Variants in TNFRSF1A observed in about 807,000 individuals in gnomAD.
TNFRSF1A encodes tumor necrosis factor receptor superfamily member 1A.
TNFRSF1A carries 9 observed loss-of-function variants against 41.6 expected under a neutral mutation model. The ratio of observed to expected loss-of-function variants is 0.22; its 90% CI spans 0.13 to 0.38. The LOEUF (loss-of-function observed/expected upper bound fraction) is 0.38, where lower values mean the gene tolerates loss of function less well. Among genes scored for constraint, TNFRSF1A ranks in the 10% least tolerant of loss-of-function variants. The pLI is 1.00. For synonymous variants in TNFRSF1A, 254 were observed against 248.6 expected, an observed-to-expected ratio of 1.02 and a Z score of -0.21; for missense variants, 463 against 591.5, an observed-to-expected ratio of 0.78 and a Z score of 2.25.
At chr12:6,336,966 C>T (rs763897337) in intron 1 of TNFRSF1A, among the ~76,000 whole-genome samples, 1 of 152,220 alleles carries the variant, frequency 6.6e-6, no homozygotes, top group Non-Finnish European at 1.5e-5. Context: ...TTCTGAGTCT[C>T]CACAGACCCT....
At chr12:6,330,406 GC>G in intron 7 of TNFRSF1A, 111 bp from the exon 8 acceptor site, 2 of 1,175,806 alleles carry the variant, frequency 1.7e-6, no homozygotes, top group Non-Finnish European at 2.5e-6. Flanking sequence ...GGCCTATGTG[GC>G]CCCAGGGACG....
In TNFRSF1A at chr12:6,334,020, C is replaced by T; in HGVS notation, c.193+71G>A. ...GAGAGACAGCAAAGTTAGGGAAGAA[C>T]AACTGGAAGAAGCAGAGAAAGAAGC... On this transcript the variant is annotated intron_variant, in intron 2 of 9. Transcript: ENST00000162749. This position sits in a 1 kb window ranked among gnomAD's most constrained non-coding sequence, Gnocchi z 5.1. 6.2e-7 allele frequency: 1 copy of T among 1,612,060 alleles called. No homozygotes were observed. The highest frequency in any genetic ancestry group is 8.5e-7 in the Non-Finnish European group (1 of 1,178,174).
At chr12:6,330,456 C>CCA (rs1224059072) in intron 7 of TNFRSF1A, 142 bp downstream of exon 7, 1 of 998,202 alleles carries the variant, frequency 1.0e-6, no homozygotes, top group East Asian at 2.5e-5. Flanking sequence ...CCCCAGCCAT[C>CCA]CAGGGCCACC....
intron 5 of TNFRSF1A, among the ~76,000 whole-genome samples, chr12:6,332,853 T>C (rs1429794526): frequency 6.6e-6 from 1 of 152,194 alleles, no homozygotes; most frequent in Non-Finnish European, 1.5e-5. Context: ...CTGCCAGCCC[T>C]TGGGGCATGA....
In TNFRSF1A at chr12:6,341,894, T is replaced by C; in HGVS notation, c.-80A>G. ...CGGCAGTGCTGGGGCTTCCCGGGACTCGGTCTGTCCAGGACGTCCCAAGTG... is the reference window on the plus strand; with the variant it reads ...CGGCAGTGCTGGGGCTTCCCGGGACCCGGTCTGTCCAGGACGTCCCAAGTG... On this transcript the variant is annotated 5_prime_UTR_variant, in exon 1 of 10. Coordinates refer to ENST00000162749, the MANE Select transcript of TNFRSF1A (RefSeq NM_001065.4). The surrounding 1 kb of genome is among the most constrained non-coding windows in gnomAD (Gnocchi z 4.6). 1 of 1,539,074 alleles carries C rather than the reference T, an allele frequency of 6.5e-7. No individual in the cohort carries two copies.
chr12:6,332,331 CAGG>C (rs1375019573), intron 5 of TNFRSF1A, among the ~76,000 whole-genome samples: 2 of 150,532 alleles, frequency 1.3e-5, no homozygotes, highest in Non-Finnish European at 2.9e-5. Context: ...CCCAGCTACT[CAGG>C]AGGCTAAGGC....
At chr12:6,338,197 C>A (rs939594425) in intron 1 of TNFRSF1A, among the ~76,000 whole-genome samples, 2 of 152,140 alleles carry the variant, frequency 1.3e-5, no homozygotes, top group African/African-American at 2.4e-5. Context: ...ATGCCCCAGA[C>A]GGAATTCATC....
rs1555107857 is a variant in TNFRSF1A at position 6,332,443 on chromosome 12, A to AAAAAAAAC, written c.551+625_551+626insGTTTTTTT. 3.3e-3 allele frequency among the ~76,000 whole-genome samples: 491 copies of AAAAAAAAC among 150,682 alleles called. 3 individuals carry two copies. The highest frequency in any genetic ancestry group is 1.0e-2 in the African/African-American group (407 of 40,876). ...AGTGAAACCCTGTCTCAAAAAAAAAAAAAAAAAAAAAACACCAAAAGAAAA... is the reference window on the plus strand; with the variant it reads ...AGTGAAACCCTGTCTCAAAAAAAAAAAAAAAAACAAAAAAAAAAAACACCAAAAGAAAA... On this transcript the variant is annotated intron_variant, in intron 5 of 9. Coordinates refer to ENST00000162749, the MANE Select transcript of TNFRSF1A (RefSeq NM_001065.4).
intron 5 of TNFRSF1A, chr12:6,331,132 G>A: frequency 1.6e-6 from 1 of 617,940 alleles, no homozygotes; most frequent in East Asian, 2.9e-5. Context: ...TCTTGAAAAG[G>A]CTGTGTAGAA....
rs1592050629 is a variant in TNFRSF1A, at chr12:6,337,715, T to A, written c.40-3471A>T. Among the ~76,000 whole-genome samples, 1 of 152,198 alleles carries A rather than the reference T, an allele frequency of 6.6e-6. No individual in the cohort carries two copies. Among genetic ancestry groups the A allele is most frequent in the South Asian group, 2.1e-4 (1 of 4,834 alleles). ...TTTGGCTCTTATCATAATATGGTTA[T>A]GTTGGGTGACAGATATGATCTCCCC... On this transcript the variant is annotated intron_variant, in intron 1 of 9. Coordinates refer to ENST00000162749, the MANE Select transcript of TNFRSF1A (RefSeq NM_001065.4). The surrounding 1 kb of genome is among the most constrained non-coding windows in gnomAD (Gnocchi z 4.6).
Position 6,341,691 on chromosome 12 carries a change from G to A in TNFRSF1A, c.39+85C>T. The A allele has an allele frequency of 6.5e-7, 1 of 1,527,876 alleles. No homozygotes were observed. Among genetic ancestry groups the A allele is most frequent in the African/African-American group, 1.4e-5 (1 of 73,258 alleles). 94.6% of individuals were successfully genotyped at this position (1,527,876 alleles called of 1,614,324 possible). A position where few individuals can be genotyped will look rare whatever the true frequency, so the allele number is the denominator to read the frequency against. On this transcript the variant is annotated intron_variant, in intron 1 of 9. Transcript: ENST00000162749. This position sits in a 1 kb window ranked among gnomAD's most constrained non-coding sequence, Gnocchi z 4.6. ...CCAGGACCAGGCCCGGGCAGGAGAG[G>A]CTCGGCCCCCTCCCGGAGAGGGCCC...
chr12:6,329,641 G>A lies in TNFRSF1A; in HGVS notation c.1058-19C>T. 1.3e-6 allele frequency: 2 copies of A among 1,587,056 alleles called. No individual in the cohort carries two copies. Among genetic ancestry groups the A allele is most frequent in the South Asian group, 1.1e-5 (1 of 88,940 alleles). ...TCATCAGCTGCGGGGACGCGGGCCGGTGAGCCTCGGGCGGCAACCCCAGGC... is the reference window on the plus strand; with the variant it reads ...TCATCAGCTGCGGGGACGCGGGCCGATGAGCCTCGGGCGGCAACCCCAGGC... On this transcript the variant is annotated intron_variant, in intron 9 of 9. Coordinates refer to ENST00000162749, the MANE Select transcript of TNFRSF1A (RefSeq NM_001065.4).
chr12:6,335,662 A>C (rs539130331), intron 1 of TNFRSF1A, among the ~76,000 whole-genome samples: 1 of 152,254 alleles, frequency 6.6e-6, no homozygotes, highest in East Asian at 1.9e-4. Flanking sequence ...GGTGTCCTCA[A>C]TGTCTGTTAA....
chr12:6,333,486 G>A lies in TNFRSF1A; in HGVS notation c.353C>T (p.Thr118Ile). 6.2e-7 allele frequency: 1 copy of A among 1,614,158 alleles called. No homozygotes were observed. Among genetic ancestry groups the A allele is most frequent in the Non-Finnish European group, 8.5e-7 (1 of 1,180,032 alleles). ...EMGQVEISSC[T>I]VDRDTVCGCR... Reference sequence around the variant, plus strand: ...GCCACACACGGTGTCCCGGTCCACTGTGCAAGAAGAGATCTCCACCTGACC... The same window carrying A: ...GCCACACACGGTGTCCCGGTCCACTATGCAAGAAGAGATCTCCACCTGACC... Residue 118 changes from threonine (T) to isoleucine (I), a missense_variant, in exon 4 of 10, where the codon ACA becomes ATA. By Grantham distance (89) the Thr-to-Ile change is moderately conservative. Around this residue, in one of 4 missense-constraint regions of TNFRSF1A, gnomAD observed 149 missense variants for 239.4 expected, o/e 0.62. Transcript: ENST00000162749. This position sits in a 1 kb window ranked among gnomAD's most constrained non-coding sequence, Gnocchi z 6.3.
chr12:6,329,224 C>T lies in TNFRSF1A; in HGVS notation c.*88G>A, dbSNP rs1406621369. On this transcript the variant is annotated 3_prime_UTR_variant, in exon 10 of 10. Transcript: ENST00000162749. ...AGGCGGCTGCTAGCTCCTGCTTGCC[C>T]CTGCAGGACCCCTCCTTTCCAGAAA... is the stretch of plus-strand genomic sequence containing the variant. 6 of 1,323,658 alleles carry T rather than the reference C, an allele frequency of 4.5e-6. No homozygotes were observed. Among genetic ancestry groups the T allele is most frequent in the East Asian group, 2.7e-5 (1 of 37,510 alleles). The allele number at this position is 1,323,658 out of a possible 1,614,324, so 82.0% of individuals were successfully genotyped here.
rs764636915 is a variant in TNFRSF1A at position 6,329,630 on chromosome 12, G to A, written c.1058-8C>T. The A allele has an allele frequency of 8.8e-6, 14 of 1,590,818 alleles. No homozygotes were observed. The highest frequency in any genetic ancestry group is 1.2e-5 in the Non-Finnish European group (14 of 1,172,074). The stretch of plus-strand genomic sequence containing the variant: ...GCGTCGCGGGGTCATCAGCTGCGGG[G>A]ACGCGGGCCGGTGAGCCTCGGGCGG... On this transcript the variant is annotated splice_polypyrimidine_tract_variant and splice_region_variant and intron_variant, in intron 9 of 9. Coordinates refer to ENST00000162749, the MANE Select transcript of TNFRSF1A (RefSeq NM_001065.4).
chr12:6,330,041 T>C lies in TNFRSF1A; in HGVS notation c.794A>G (p.Lys265Arg). Reference protein sequence around the residue: ...KEGELEGTTTKPLAPNPSFSP... With the variant: ...KEGELEGTTTRPLAPNPSFSP... Reference sequence around the variant, plus strand: ...GAAGCTTGGGTTTGGGGCCAGGGGCTTAGTAGTAGTTCCTTCAAGCTCCCC... The same window carrying C: ...GAAGCTTGGGTTTGGGGCCAGGGGCCTAGTAGTAGTTCCTTCAAGCTCCCC... Residue 265 changes from lysine (K) to arginine (R), a missense_variant, in exon 9 of 10, where the codon AAG becomes AGG. Lys to Arg is a conservative substitution (Grantham distance 26). Coordinates refer to ENST00000162749, the MANE Select transcript of TNFRSF1A (RefSeq NM_001065.4). 1.9e-6 allele frequency: 3 copies of C among 1,612,886 alleles called. No homozygotes were observed. The highest frequency in any genetic ancestry group is 2.5e-6 in the Non-Finnish European group (3 of 1,179,898).
At chr12:6,340,164 T>C (rs1196233022) in intron 1 of TNFRSF1A, among the ~76,000 whole-genome samples, 1 of 152,218 alleles carries the variant, frequency 6.6e-6, no homozygotes, top group East Asian at 1.9e-4. Flanking sequence ...CCTGATGGAC[T>C]GTCAAAGCTG....
chr12:6,333,546 C>G lies in TNFRSF1A; in HGVS notation c.323-30G>C. 6.2e-7 allele frequency: 1 copy of G among 1,613,862 alleles called. No individual in the cohort carries two copies. The highest frequency in any genetic ancestry group is 1.1e-5 in the South Asian group (1 of 91,034). On this transcript the variant is annotated intron_variant, in intron 3 of 9. Transcript: ENST00000162749. This position sits in a 1 kb window ranked among gnomAD's most constrained non-coding sequence, Gnocchi z 6.3. Reference sequence around the variant, plus strand: ...TGAGGGGAGAAGATGGGGTATGAGTCCTGCATCCTCCTGTCCCTGCATCCC... The same window carrying G: ...TGAGGGGAGAAGATGGGGTATGAGTGCTGCATCCTCCTGTCCCTGCATCCC...
Sources: gnomAD v4.1 joint callset for allele counts (sites outside exome capture counted in the v4.1 genomes callset) on GRCh38, gnomAD v4.1.1 for gene constraint, gnomAD v4.1.1 regional missense constraint, Gnocchi (gnomAD v3.1) non-coding constraint, MANE v1.5 for transcripts, NCBI Gene and HGNC (gene_info 2026-07-23, HGNC 2026-07-21) for gene names.